The following NUP50 variants were observed in gnomAD, a reference collection of about 807,000 sequenced individuals.
The protein encoded by NUP50 is nuclear pore complex protein Nup50.
In NUP50, 14 loss-of-function variants were observed where a neutral mutation model predicts 36.8. The ratio of observed to expected loss-of-function variants is 0.38; its 90% CI spans 0.25 to 0.59. The LOEUF (loss-of-function observed/expected upper bound fraction) is 0.59, where lower values mean the gene tolerates loss of function less well. Ranked by LOEUF, NUP50 falls within the 20% of genes least tolerant of loss-of-function variation. The probability of loss-of-function intolerance (pLI) is 0.63; values close to 1 mark genes in which losing one functional copy is unlikely to be tolerated. For synonymous variants in NUP50, 195 were observed against 210.8 expected (o/e 0.93, Z 0.65); for missense variants, 455 against 564.6 (o/e 0.81, Z 1.97).
At chr22:45,168,679 C>T (rs1386288790) in intron 2 of NUP50, among the ~76,000 whole-genome samples, 1 of 152,100 alleles carries the variant, frequency 6.6e-6, no homozygotes, top group Non-Finnish European at 1.5e-5. Flanking sequence ...GTCTGTGGTA[C>T]TCCGTTTCCC....
intron 1 of NUP50, 103 bp from the exon 2 acceptor site, chr22:45,168,065 C>A: frequency 4.8e-6 from 4 of 828,406 alleles, no homozygotes; most frequent in Non-Finnish European, 7.6e-6. Flanking sequence ...ATAAAAAAAC[C>A]AGAGATGTTT....
chr22:45,181,868 C>T (rs191538893), intron 6 of NUP50, among the ~76,000 whole-genome samples: 27 of 152,296 alleles, frequency 1.8e-4, no homozygotes, highest in East Asian at 5.8e-4. Context: ...AAACTTTCAT[C>T]TTCCTTTCAA....
At position 45,186,306 on chromosome 22, in the gene NUP50, T is replaced by C. The variant is rs2074470901; in HGVS notation, c.*1651T>C. The C allele has an allele frequency of 6.6e-6, 1 of 152,230 alleles. No homozygotes were observed. 9.4% of individuals were successfully genotyped at this position (152,230 alleles called of 1,614,324 possible). On this transcript the variant is annotated 3_prime_UTR_variant, in exon 8 of 8. Coordinates refer to ENST00000347635, the MANE Select transcript of NUP50 (RefSeq NM_007172.4). ...GTGGCCGTTAGTTTTACACTGACTT[T>C]TTAAGAATGGAGAATGCACGTGGGT...
chr22:45,181,483 G>A, intron 6 of NUP50, 116 bp downstream of exon 6: 1 of 606,504 alleles, frequency 1.6e-6, no homozygotes. Flanking sequence ...GTCAAGCTTT[G>A]CCTGCTCTCA....
At chr22:45,170,317 T>C (rs1023908411) in intron 2 of NUP50, among the ~76,000 whole-genome samples, 77 of 148,858 alleles carry the variant, frequency 5.2e-4, no homozygotes, top group African/African-American at 1.9e-3. Context: ...TCTTACAATC[T>C]CTGTTTCCCC....
At chr22:45,170,407 C>T (rs1167837913) in intron 2 of NUP50, among the ~76,000 whole-genome samples, 1 of 152,196 alleles carries the variant, frequency 6.6e-6, no homozygotes, top group Admixed American at 6.5e-5. Flanking sequence ...ACCCCCAGGC[C>T]AGATGACTAA....
chr22:45,184,391 A>T, intron 7 of NUP50, 62 bp from the exon 8 acceptor site: 1 of 1,429,590 alleles, frequency 7.0e-7, no homozygotes, highest in Non-Finnish European at 9.9e-7. Context: ...AGCATATTAC[A>T]GACTCCTTTG....
In NUP50 at chr22:45,178,374, G is replaced by T; in HGVS notation, c.477G>T (p.Gln159His). 1 of 1,614,006 alleles carries T rather than the reference G, an allele frequency of 6.2e-7. No individual in the cohort carries two copies. Among genetic ancestry groups the T allele is most frequent in the South Asian group, 1.1e-5 (1 of 91,076 alleles). Residue 159 changes from glutamine to histidine, a missense_variant, in exon 5 of 8, where the codon CAG becomes CAT. Gln to His is a conservative substitution (Grantham distance 24). This residue lies in a region of NUP50 where 166 missense variants were observed against 202.8 expected (regional missense o/e 0.82). Coordinates refer to ENST00000347635, the MANE Select transcript of NUP50 (RefSeq NM_007172.4). ...GTGTCGGAAATGCCTATCACAAGCA[G>T]TTGGCCGCCTTGAACTGCTCCGTGC... The part of the protein sequence containing the change: ...KACVGNAYHK[Q>H]LAALNCSVRD...
At chr22:45,170,750 G>C (rs1208267620) in intron 2 of NUP50, among the ~76,000 whole-genome samples, 1 of 152,138 alleles carries the variant, frequency 6.6e-6, no homozygotes, top group African/African-American at 2.4e-5. Context: ...GTAACATCTA[G>C]ATTACCATGT....
chr22:45,184,768 T>C lies in NUP50; in HGVS notation c.*113T>C. On this transcript the variant is annotated 3_prime_UTR_variant, in exon 8 of 8. Transcript: ENST00000347635. Reference sequence around the variant, plus strand: ...ACATTCTAAGAACTTATAGATAACTTAAAACTTTTGTGAGGAAGATTAATG... The same window carrying C: ...ACATTCTAAGAACTTATAGATAACTCAAAACTTTTGTGAGGAAGATTAATG... 1 of 765,664 alleles carries C rather than the reference T, an allele frequency of 1.3e-6. No individual in the cohort carries two copies. The highest frequency in any genetic ancestry group is 2.2e-6 in the Non-Finnish European group (1 of 463,670). The allele number at this position is 765,664 out of a possible 1,614,324, so 47.4% of individuals were successfully genotyped here.
chr22:45,178,214 G>T, intron 4 of NUP50, 24 bp from the exon 5 acceptor site: 4 of 1,589,140 alleles, frequency 2.5e-6, no homozygotes, highest in South Asian at 1.1e-5. Context: ...CTAAATAAAT[G>T]GTTCAATTAT....
intron 1 of NUP50, among the ~76,000 whole-genome samples, chr22:45,165,464 T>G (rs1008580099): frequency 6.6e-6 from 1 of 152,250 alleles, no homozygotes; most frequent in Non-Finnish European, 1.5e-5. Flanking sequence ...CAAGTTGGTT[T>G]CCAACTCCTG....
chr22:45,179,306 A>G (rs2074329324), intron 5 of NUP50: 1 of 169,902 alleles, frequency 5.9e-6, no homozygotes, highest in African/African-American at 2.4e-5. Flanking sequence ...TCATGTGGCA[A>G]AACAGTACTT....
At chr22:45,179,908 A>T (rs1277341752) in intron 5 of NUP50, among the ~76,000 whole-genome samples, 3 of 152,240 alleles carry the variant, frequency 2.0e-5, no homozygotes, top group Non-Finnish European at 4.4e-5. Flanking sequence ...CTTCTCAGAC[A>T]TATGGACATA....
rs557712477 is a variant in NUP50, at chr22:45,187,873, TTAAA to T, written c.*3221_*3224del. The T allele has an allele frequency of 1.4e-4, 22 of 152,810 alleles. 1 individual carries two copies. The highest frequency in any genetic ancestry group is 8.3e-4 in the South Asian group (4 of 4,828). The allele number at this position is 152,810 out of a possible 1,614,324, so 9.5% of individuals were successfully genotyped here. A position where few individuals can be genotyped will look rare whatever the true frequency, so the allele number is the denominator to read the frequency against. ...ATGGATAAATTGTTTGCTTTTTACT[TTAAA>T]TAGGAAATTGTTTTCTAAAACTAAA... On this transcript the variant is annotated 3_prime_UTR_variant, in exon 8 of 8. Transcript: ENST00000347635.
chr22:45,173,904 C>T (rs181163248), intron 3 of NUP50, among the ~76,000 whole-genome samples: 1 of 152,260 alleles, frequency 6.6e-6, no homozygotes, highest in Non-Finnish European at 1.5e-5. Context: ...AACTCTTAGC[C>T]TGAAGTTTTC....
intron 4 of NUP50, 69 bp from the exon 5 acceptor site, chr22:45,178,169 T>C (rs2074306125): frequency 5.6e-6 from 8 of 1,421,322 alleles, no homozygotes; most frequent in African/African-American, 2.8e-5. Flanking sequence ...GAAGGCAGAG[T>C]GGCAAAAAAA....
In NUP50 at chr22:45,178,758, T is replaced by C. The variant is rs1192163408; in HGVS notation, c.861T>C (p.Ser287=). 6.2e-7 allele frequency: 1 copy of C among 1,614,000 alleles called. No individual in the cohort carries two copies. The highest frequency in any genetic ancestry group is 1.7e-5 in the Admixed American group (1 of 60,014). The part of the protein sequence containing the change: ...VDSSVLGSLS[S]VPLTGFSFSP... ...GCTCTGTTTTGGGCTCATTAAGCTCTGTCCCCCTGACTGGATTTTCTTTCT... is the reference window on the plus strand; with the variant it reads ...GCTCTGTTTTGGGCTCATTAAGCTCCGTCCCCCTGACTGGATTTTCTTTCT... Residue 287 remains serine (S), a synonymous_variant, in exon 5 of 8, where the codon TCT becomes TCC. Transcript: ENST00000347635.
intron 3 of NUP50, among the ~76,000 whole-genome samples, chr22:45,173,074 G>A (rs2074221975): frequency 6.6e-6 from 1 of 152,136 alleles, no homozygotes; most frequent in African/African-American, 2.4e-5. Context: ...TTCATTTCCT[G>A]ACGTTGTAAA....
Sources: allele counts gnomAD v4.1 joint callset (sites outside exome capture counted in the v4.1 genomes callset), GRCh38; gene constraint gnomAD v4.1.1; regional missense constraint gnomAD v4.1.1; transcripts MANE v1.5; gene names NCBI Gene and HGNC (gene_info 2026-07-23, HGNC 2026-07-21).